Variants in RGS6 observed in about 807,000 individuals in gnomAD.
RGS6 encodes regulator of G protein signaling 6, also known as regulator of G-protein signaling 6.
Under a neutral mutation model 78.5 loss-of-function variants are expected in RGS6, and 30 were observed. The ratio of observed to expected loss-of-function variants is 0.38; its 90% CI spans 0.29 to 0.52. The LOEUF is 0.52. RGS6 is among the 20% of genes least tolerant of loss of function. RGS6 has a pLI of 0.85. For missense variants in RGS6, 495 were observed against 609.7 expected (o/e 0.81, Z 1.98); for synonymous variants, 206 against 206.0 (o/e 1.00, Z 0.00).
chr14:71,867,975 C>T, the RGS6 span, among the ~76,000 whole-genome samples: 2 of 152,154 alleles, frequency 1.3e-5, no homozygotes, highest in African/African-American at 2.4e-5. Flanking sequence ...AAGTGAGTCT[C>T]ACATCCATGA....
chr14:72,622,954 A>T, the RGS6 span, among the ~76,000 whole-genome samples: 1 of 152,196 alleles, frequency 6.6e-6, no homozygotes, highest in African/African-American at 2.4e-5. Context: ...AATGTCCATC[A>T]ATAAGGGAAT....
chr14:72,297,755 G>A (rs907077392), intron 2 of RGS6, among the ~76,000 whole-genome samples: 30 of 151,214 alleles, frequency 2.0e-4, no homozygotes, highest in Non-Finnish European at 2.8e-4. Context: ...CATCATTCTC[G>A]GTATATATTA....
chr14:72,122,408 G>C (rs887464602), intron 2 of RGS6, among the ~76,000 whole-genome samples: 1 of 152,232 alleles, frequency 6.6e-6, no homozygotes, highest in East Asian at 1.9e-4. Context: ...GGGTTTGTGG[G>C]GGTAGAAAAT....
intron 2 of RGS6, among the ~76,000 whole-genome samples, chr14:72,198,850 C>A (rs2040826027): frequency 6.6e-6 from 1 of 152,198 alleles, no homozygotes; most frequent in Non-Finnish European, 1.5e-5. Context: ...AGAAAAGAGA[C>A]AGAGAGAGGA....
In RGS6 at chr14:72,272,904, C is replaced by T. The variant is rs147226397; in HGVS notation, c.85-79191C>T. Among the ~76,000 whole-genome samples the T allele has an allele frequency of 8.1e-3, 1,230 of 152,314 alleles. 19 individuals are homozygous for T. Among genetic ancestry groups the T allele is most frequent in the African/African-American group, 0.028 (1,168 of 41,556 alleles). On this transcript the variant is annotated intron_variant, in intron 2 of 17. Coordinates refer to ENST00000553525, the MANE Select transcript of RGS6 (RefSeq NM_001204424.2). ...CCAAGGCGGGTGGATCACCTGATGT[C>T]AGGAATTTGAGACCAGCCTGGCCAA...
intron 2 of RGS6, among the ~76,000 whole-genome samples, chr14:72,193,200 G>A (rs1403191416): frequency 6.6e-6 from 1 of 152,126 alleles, no homozygotes; most frequent in Non-Finnish European, 1.5e-5. Flanking sequence ...CGCCATGTTG[G>A]CCAGGCTGGT....
At chr14:72,480,984 C>T (rs1351524065) in intron 12 of RGS6, among the ~76,000 whole-genome samples, 1 of 152,154 alleles carries the variant, frequency 6.6e-6, no homozygotes, top group Non-Finnish European at 1.5e-5. Context: ...AGGGTGCATC[C>T]AGACCAGCAG....
chr14:72,430,730 T>C (rs2094596277), intron 3 of RGS6, among the ~76,000 whole-genome samples: 1 of 152,182 alleles, frequency 6.6e-6, no homozygotes, highest in Non-Finnish European at 1.5e-5. Context: ...CACCAGGGCA[T>C]GAGTAGACAG....
At chr14:72,331,162 G>A (rs1042828688) in intron 2 of RGS6, among the ~76,000 whole-genome samples, 4 of 151,744 alleles carry the variant, frequency 2.6e-5, no homozygotes, top group African/African-American at 9.7e-5. Context: ...TCAAGATCTG[G>A]GTCCACCTGT....
intron 2 of RGS6, among the ~76,000 whole-genome samples, chr14:72,178,635 C>T (rs74383014): frequency 0.01 from 1,579 of 152,202 alleles, 22 homozygotes; most frequent in African/African-American, 0.035. Context: ...CATGAAAATT[C>T]TTCGTATTGA....
At chr14:71,921,771 T>G in the RGS6 span, among the ~76,000 whole-genome samples, 1 of 152,016 alleles carries the variant, frequency 6.6e-6, no homozygotes, top group Non-Finnish European at 1.5e-5. Flanking sequence ...GATACAACGG[T>G]TTTTTAAAGC....
At chr14:72,216,497 T>G (rs1305737400) in intron 2 of RGS6, among the ~76,000 whole-genome samples, 5 of 152,218 alleles carry the variant, frequency 3.3e-5, no homozygotes, top group African/African-American at 4.8e-5. Context: ...CCCTACCATG[T>G]AGGGTAAATT....
Position 72,562,602 on chromosome 14 carries a change from G to C in RGS6, c.*135G>C, listed in dbSNP as rs375414399. 6.5e-7 allele frequency: 1 copy of C among 1,537,448 alleles called. No homozygotes were observed. Among genetic ancestry groups the C allele is most frequent in the Non-Finnish European group, 8.7e-7 (1 of 1,147,072 alleles). ...GGAGAAAGAGTGAGGGCAATGAAGG[G>C]CGATGGTGGGGAGACTCGGTGGGTG... On this transcript the variant is annotated 3_prime_UTR_variant, in exon 18 of 18. Coordinates refer to ENST00000553525, the MANE Select transcript of RGS6 (RefSeq NM_001204424.2).
chr14:72,011,362 G>A (rs1251577396), intron 2 of RGS6, among the ~76,000 whole-genome samples: 1 of 152,162 alleles, frequency 6.6e-6, no homozygotes, highest in Admixed American at 6.5e-5. Context: ...GTGGCCTCAT[G>A]ATGGCATCAT....
the RGS6 span, among the ~76,000 whole-genome samples, chr14:71,902,441 A>C: frequency 6.6e-6 from 1 of 152,328 alleles, no homozygotes. Context: ...CCTTTGGTAC[A>C]TCAAAGGGGC....
chr14:72,332,765 A>G (rs964033147), intron 2 of RGS6, among the ~76,000 whole-genome samples: 1 of 152,150 alleles, frequency 6.6e-6, no homozygotes, highest in Non-Finnish European at 1.5e-5. Context: ...GTGGCAAGAG[A>G]TGGAGGCATC....
chr14:72,184,580 T>C (rs895914633), intron 2 of RGS6, among the ~76,000 whole-genome samples: 34 of 152,320 alleles, frequency 2.2e-4, no homozygotes, highest in African/African-American at 8.2e-4. Flanking sequence ...TTTTTAAACC[T>C]ATCACAGATA....
chr14:72,057,010 C>G (rs943110855), intron 2 of RGS6, among the ~76,000 whole-genome samples: 1 of 151,952 alleles, frequency 6.6e-6, no homozygotes, highest in East Asian at 1.9e-4. Flanking sequence ...TATGTAGAGA[C>G]AGTCCTCTTA....
intron 2 of RGS6, among the ~76,000 whole-genome samples, chr14:72,237,453 G>A (rs1174890386): frequency 1.3e-5 from 2 of 152,128 alleles, no homozygotes; most frequent in Non-Finnish European, 2.9e-5. Context: ...CACATGACAT[G>A]TTGGGTTTTA....
Sources: allele counts gnomAD v4.1 joint callset (sites outside exome capture counted in the v4.1 genomes callset), GRCh38; gene constraint gnomAD v4.1.1; transcripts MANE v1.5; gene names NCBI Gene and HGNC (gene_info 2026-07-23, HGNC 2026-07-21).